The following ATF2 variants were observed in gnomAD, a reference collection of about 807,000 sequenced individuals.
ATF2 encodes cyclic AMP-dependent transcription factor ATF-2.
ATF2 carries 24 observed loss-of-function variants against 60.6 expected under a neutral mutation model. The ratio of observed to expected loss-of-function variants is 0.40; its 90% CI spans 0.29 to 0.56. The LOEUF (loss-of-function observed/expected upper bound fraction) is 0.56. ATF2 is among the 20% of genes least tolerant of loss of function. The pLI, the probability that ATF2 is intolerant of heterozygous loss-of-function variation, is 0.54. For synonymous variants in ATF2, 206 were observed against 215.4 expected (o/e 0.96, Z 0.38); for missense variants, 433 against 607.7 (o/e 0.71, Z 3.02).
chr2:175,093,348 G>T, intron 11 of ATF2, 81 bp from the exon 12 acceptor site: 1 of 1,352,484 alleles, frequency 7.4e-7, no homozygotes, highest in Non-Finnish European at 1.0e-6. Flanking sequence ...TGTCAAAGGG[G>T]GAGAGCAACT....
At chr2:175,138,967 T>C (rs1281497501) in intron 2 of ATF2, among the ~76,000 whole-genome samples, 1 of 152,364 alleles carries the variant, frequency 6.6e-6, no homozygotes, top group Middle Eastern at 3.4e-3. Flanking sequence ...TATACAATAT[T>C]GTGCAAGGTT....
intron 3 of ATF2, among the ~76,000 whole-genome samples, chr2:175,135,001 C>A (rs13385395): frequency 0.042 from 5,130 of 122,140 alleles, 117 homozygotes; most frequent in Admixed American, 0.096. Flanking sequence ...AAGACCCCAT[C>A]TCTTTAAAAA....
chr2:175,106,885 G>A lies in ATF2; in HGVS notation c.828+4683C>T, dbSNP rs35683248. ...ATGCAATAATAAAAACAATTGGCCC[G>A]GTGCGGTGACTCTCATGCCCGTAAT... On this transcript the variant is annotated intron_variant, in intron 10 of 13. Transcript: ENST00000264110. Among the ~76,000 whole-genome samples the A allele has an allele frequency of 7.9e-4, 120 of 152,058 alleles. 1 individual carries two copies. The highest frequency in any genetic ancestry group is 1.9e-3 in the Admixed American group (29 of 15,262).
intron 1 of ATF2, among the ~76,000 whole-genome samples, chr2:175,156,763 G>T (rs997853112): frequency 2.6e-5 from 4 of 152,214 alleles, no homozygotes; most frequent in African/African-American, 7.2e-5. Flanking sequence ...TCTTGGCTTT[G>T]TAAGTCCCTA....
chr2:175,103,971 G>A (rs534633784), intron 10 of ATF2, among the ~76,000 whole-genome samples: 4 of 151,128 alleles, frequency 2.6e-5, no homozygotes, highest in Admixed American at 2.0e-4. Flanking sequence ...GGTCCCTATC[G>A]ACATTTAACA....
intron 12 of ATF2, among the ~76,000 whole-genome samples, chr2:175,090,051 A>G (rs763259729): frequency 2.0e-5 from 3 of 152,156 alleles, no homozygotes; most frequent in Non-Finnish European, 4.4e-5. Context: ...CATATAACAT[A>G]AAGGTAATCA....
At chr2:175,081,749 T>C (rs940653601) in intron 12 of ATF2, among the ~76,000 whole-genome samples, 1 of 152,160 alleles carries the variant, frequency 6.6e-6, no homozygotes, top group Admixed American at 6.6e-5. Flanking sequence ...AGCAGAAAGC[T>C]GAATGTAAAA....
At chr2:175,108,530 G>A (rs1345358584) in intron 10 of ATF2, among the ~76,000 whole-genome samples, 2 of 147,474 alleles carry the variant, frequency 1.4e-5, no homozygotes, top group Admixed American at 6.7e-5. Flanking sequence ...CCCCCGCCCG[G>A]CCAGCCGCCC....
At chr2:175,119,959 C>A (rs554407905) in intron 5 of ATF2, among the ~76,000 whole-genome samples, 430 of 151,704 alleles carry the variant, frequency 2.8e-3, no homozygotes, top group Non-Finnish European at 5.0e-3. Flanking sequence ...GGCTACTGAT[C>A]ACCAAAAATA....
At chr2:175,106,527 AAAC>A (rs959104602) in intron 10 of ATF2, among the ~76,000 whole-genome samples, 7 of 150,960 alleles carry the variant, frequency 4.6e-5, no homozygotes, top group Non-Finnish European at 8.9e-5. Flanking sequence ...GACTGTCCAA[AAAC>A]AACAACAAAA....
intron 11 of ATF2, among the ~76,000 whole-genome samples, chr2:175,093,606 TTATTA>T (rs1694699403): frequency 6.6e-6 from 1 of 152,152 alleles, no homozygotes; most frequent in African/African-American, 2.4e-5. Flanking sequence ...TTAACAGATT[TTATTA>T]TATTATTAAA....
At chr2:175,087,799 A>G (rs962035851) in intron 12 of ATF2, among the ~76,000 whole-genome samples, 4 of 152,176 alleles carry the variant, frequency 2.6e-5, no homozygotes, top group African/African-American at 9.6e-5. Context: ...AAAAATTTAT[A>G]TTTTTAACAG....
At chr2:175,103,783 G>T (rs1480484698) in intron 10 of ATF2, among the ~76,000 whole-genome samples, 7 of 151,344 alleles carry the variant, frequency 4.6e-5, no homozygotes, top group Admixed American at 3.9e-4. Flanking sequence ...GCTGCTTTTT[G>T]ATTACAAATA....
rs1693026076 is a variant in ATF2, at chr2:175,072,826, A to G, written c.*1783T>C. ...TCAAATAAAAATGCTCTCATTTTAA[A>G]AAGCAAAACAATAAAATTCCCATTA... On this transcript the variant is annotated 3_prime_UTR_variant, in exon 14 of 14. Coordinates refer to ENST00000264110, the MANE Select transcript of ATF2 (RefSeq NM_001880.4). 6.6e-6 allele frequency: 1 copy of G among 152,210 alleles called. No homozygotes were observed. The highest frequency in any genetic ancestry group is 2.4e-5 in the African/African-American group (1 of 41,472). The allele number at this position is 152,210 out of a possible 1,614,324, so 9.4% of individuals were successfully genotyped here.
intron 12 of ATF2, among the ~76,000 whole-genome samples, chr2:175,082,786 T>C (rs368553053): frequency 6.6e-6 from 1 of 152,218 alleles, no homozygotes; most frequent in South Asian, 2.1e-4. Flanking sequence ...AGTTTGAAAT[T>C]GCTAGCTAAA....
chr2:175,155,464 T>A (rs991319189), intron 1 of ATF2, among the ~76,000 whole-genome samples: 1 of 152,220 alleles, frequency 6.6e-6, no homozygotes, highest in Non-Finnish European at 1.5e-5. Context: ...AATTCAGATA[T>A]ACTTTATTGT....
chr2:175,160,335 C>T (rs574527680), intron 1 of ATF2, among the ~76,000 whole-genome samples: 13 of 152,128 alleles, frequency 8.5e-5, no homozygotes, highest in Non-Finnish European at 1.5e-4. Context: ...CAGTGAACTA[C>T]GACTGCACCA....
chr2:175,114,143 G>A, intron 8 of ATF2, 35 bp from the exon 9 acceptor site: 1 of 1,541,014 alleles, frequency 6.5e-7, no homozygotes, highest in Non-Finnish European at 8.8e-7. Context: ...TTTTAAAAAA[G>A]AGATTCATAC....
chr2:175,086,886 A>G lies in ATF2; in HGVS notation c.1186-6121T>C, dbSNP rs897336966. ...TGAAATCTTTCTATTAAGAAAGATC[A>G]GAAGACAGGTAGACAGAGAGAAGGG... On this transcript the variant is annotated intron_variant, in intron 12 of 13. Coordinates refer to ENST00000264110, the MANE Select transcript of ATF2 (RefSeq NM_001880.4). Among the ~76,000 whole-genome samples, 3 of 152,228 alleles carry G rather than the reference A, an allele frequency of 2.0e-5. No homozygotes were observed. The East Asian group carries it at 5.8e-4, about 29-fold the overall frequency.
Sources: allele counts gnomAD v4.1 joint callset (sites outside exome capture counted in the v4.1 genomes callset), GRCh38; gene constraint gnomAD v4.1.1; transcripts MANE v1.5; gene names NCBI Gene and HGNC (gene_info 2026-07-23, HGNC 2026-07-21).